Variants in PALM2AKAP2 observed in about 807,000 individuals in gnomAD.
The protein encoded by PALM2AKAP2 is PALM2 and AKAP2 fusion.
In PALM2AKAP2, 37 loss-of-function variants were observed where a neutral mutation model predicts 71.5. The ratio of observed to expected loss-of-function variants is 0.52; its 90% CI spans 0.40 to 0.68. The LOEUF is 0.68. Among genes scored for constraint, PALM2AKAP2 ranks in the 30% least tolerant of loss-of-function variants. The probability of loss-of-function intolerance (pLI) is 0.00; values close to 1 mark genes in which losing one functional copy is unlikely to be tolerated. For missense variants in PALM2AKAP2, 1,224 were observed against 1,191.8 expected (o/e 1.03, Z -0.40); for synonymous variants, 468 against 478.8 (o/e 0.98, Z 0.29).
At chr9:110,113,528 CTTT>C (rs58325766) in intron 1 of PALM2AKAP2, among the ~76,000 whole-genome samples, 2 of 141,840 alleles carry the variant, frequency 1.4e-5, no homozygotes, top group Non-Finnish European at 3.1e-5. Flanking sequence ...TGCACCTGGA[CTTT>C]TTTTTTTTTT....
chr9:110,058,515 A>G (rs1385122771), intron 1 of PALM2AKAP2, among the ~76,000 whole-genome samples: 1 of 152,146 alleles, frequency 6.6e-6, no homozygotes, highest in Non-Finnish European at 1.5e-5. Context: ...GTTCTCAAGC[A>G]GGATATGCTG....
chr9:110,030,730 T>C (rs1833265285), intron 7 of PALM2AKAP2, among the ~76,000 whole-genome samples: 1 of 152,148 alleles, frequency 6.6e-6, no homozygotes, highest in African/African-American at 2.4e-5. Context: ...CTTGCCCTTT[T>C]TATTGTAGTG....
intron 1 of PALM2AKAP2, among the ~76,000 whole-genome samples, chr9:109,816,003 C>A (rs1317969387): frequency 1.3e-5 from 2 of 152,010 alleles, no homozygotes; most frequent in African/African-American, 4.8e-5. Context: ...TATGTACAAA[C>A]AAAAAAGATA....
intron 1 of PALM2AKAP2, among the ~76,000 whole-genome samples, chr9:110,135,473 A>G (rs1378537809): frequency 6.6e-6 from 1 of 151,920 alleles, no homozygotes; most frequent in Non-Finnish European, 1.5e-5. Flanking sequence ...GAGGAGAGGT[A>G]CCATTGGCCA....
chr9:110,020,690 A>T (rs1317174353), intron 7 of PALM2AKAP2, among the ~76,000 whole-genome samples: 1 of 151,786 alleles, frequency 6.6e-6, no homozygotes, highest in Non-Finnish European at 1.5e-5. Flanking sequence ...TCTCAAAACA[A>T]AAAACAAAAA....
chr9:109,911,980 G>A (rs532108222), intron 3 of PALM2AKAP2, among the ~76,000 whole-genome samples: 3 of 152,234 alleles, frequency 2.0e-5, no homozygotes, highest in East Asian at 1.9e-4. Context: ...GGGGGGCTGG[G>A]GGAATTATGG....
At chr9:110,046,961 C>A (rs1357593981), upstream of PALM2AKAP2, among the ~76,000 whole-genome samples, 6 of 152,176 alleles carry the variant, frequency 3.9e-5, no homozygotes, top group East Asian at 1.2e-3. Context: ...GATATCCAAG[C>A]ACACTCATTT....
intron 6 of PALM2AKAP2, among the ~76,000 whole-genome samples, chr9:109,967,829 G>A (rs1170486779): frequency 6.6e-6 from 1 of 152,220 alleles, no homozygotes; most frequent in Non-Finnish European, 1.5e-5. Flanking sequence ...GAGTCAACCA[G>A]GGAAAGTTGA....
chr9:109,730,666 CCATTAAACA>C (rs1174613606), intron 1 of PALM2AKAP2, among the ~76,000 whole-genome samples: 1 of 152,084 alleles, frequency 6.6e-6, no homozygotes, highest in Non-Finnish European at 1.5e-5. Flanking sequence ...GTCTTAGAAA[CCATTAAACA>C]CATTTATCTC....
chr9:110,060,268 A>G (rs1833935595), intron 1 of PALM2AKAP2, among the ~76,000 whole-genome samples: 1 of 152,068 alleles, frequency 6.6e-6, no homozygotes, highest in Admixed American at 6.6e-5. Context: ...GCGCACCACA[A>G]CATCCGGCAA....
At chr9:109,925,192 T>A in intron 5 of PALM2AKAP2, 110 bp downstream of exon 5, 1 of 1,540,518 alleles carries the variant, frequency 6.5e-7, no homozygotes, top group Non-Finnish European at 8.9e-7. Context: ...TGTAAAGGCA[T>A]CAGAAGAAGT....
chr9:109,695,600 G>C (rs779011639), intron 1 of PALM2AKAP2, among the ~76,000 whole-genome samples: 13 of 152,174 alleles, frequency 8.5e-5, no homozygotes, highest in Admixed American at 2.6e-4. Context: ...GTCTTCTTTT[G>C]AGTAATGTCT....
At chr9:109,869,151 T>C (rs931956873) in intron 2 of PALM2AKAP2, among the ~76,000 whole-genome samples, 1 of 152,172 alleles carries the variant, frequency 6.6e-6, no homozygotes, top group Admixed American at 6.5e-5. Flanking sequence ...AGTTCTTTGC[T>C]TTTGTATTCC....
intron 1 of PALM2AKAP2, among the ~76,000 whole-genome samples, chr9:109,833,970 C>T (rs1430613440): frequency 9.9e-5 from 15 of 152,124 alleles, no homozygotes; most frequent in East Asian, 3.9e-4. Flanking sequence ...CCCAGGACTT[C>T]GGGAGGCCAA....
At chr9:109,784,441 T>A (rs2118824033) in intron 1 of PALM2AKAP2, among the ~76,000 whole-genome samples, 1 of 152,348 alleles carries the variant, frequency 6.6e-6, no homozygotes, top group South Asian at 2.1e-4. Flanking sequence ...CCTTCCCAAT[T>A]ACCAGGAGGC....
At position 110,130,610 on chromosome 9, in the gene PALM2AKAP2, C is replaced by G. The variant is rs541681188; in HGVS notation, c.157-5517C>G. ...TATAAAAAATGCTATGAGGAAATCTCAGCTCCCTAAATTTCTAGATGCTCC... is the reference window on the plus strand; with the variant it reads ...TATAAAAAATGCTATGAGGAAATCTGAGCTCCCTAAATTTCTAGATGCTCC... On this transcript the variant is annotated intron_variant, in intron 1 of 3. Transcript: ENST00000374525. Among the ~76,000 whole-genome samples, 6 of 152,316 alleles carry G rather than the reference C, an allele frequency of 3.9e-5. No homozygotes were observed. The South Asian group carries it at 1.2e-3, about 32-fold the overall frequency.
chr9:109,916,348 G>A (rs996773838), intron 3 of PALM2AKAP2, among the ~76,000 whole-genome samples: 1 of 152,220 alleles, frequency 6.6e-6, no homozygotes, highest in South Asian at 2.1e-4. Context: ...AGGAAGGTAG[G>A]CTCTCAGCAG....
At chr9:110,135,165 ATAT>A (rs1260634899) in intron 1 of PALM2AKAP2, among the ~76,000 whole-genome samples, 955 of 70,552 alleles carry the variant, frequency 0.014, 112 homozygotes, top group South Asian at 0.024. Flanking sequence ...AAAAAAAAAA[ATAT>A]ATAAATATAT....
intron 1 of PALM2AKAP2, among the ~76,000 whole-genome samples, chr9:109,762,469 A>G (rs1829070722): frequency 6.6e-6 from 1 of 152,210 alleles, no homozygotes; most frequent in African/African-American, 2.4e-5. Context: ...TGTGTAGGGC[A>G]GTATAGATAT....
Sources: gnomAD v4.1 joint callset for allele counts (sites outside exome capture counted in the v4.1 genomes callset) on GRCh38, gnomAD v4.1.1 for gene constraint, MANE v1.5 for transcripts, NCBI Gene and HGNC (gene_info 2026-07-23, HGNC 2026-07-21) for gene names.